Variants in ATP9B observed in about 807,000 individuals in gnomAD.
The protein encoded by ATP9B is probable phospholipid-transporting ATPase IIB.
In ATP9B, 110 loss-of-function variants were observed where a neutral mutation model predicts 146.1. That is an observed-to-expected ratio of 0.75 (90% CI 0.65 to 0.88). The LOEUF (loss-of-function observed/expected upper bound fraction) is 0.88, where lower values mean the gene tolerates loss of function less well. Ranked by LOEUF, ATP9B falls within the 40% of genes least tolerant of loss-of-function variation. The pLI is 0.00. For synonymous variants in ATP9B, 604 were observed against 569.7 expected, an observed-to-expected ratio of 1.06 and a Z score of -0.86; for missense variants, 1,499 against 1,496.4, an observed-to-expected ratio of 1.00 and a Z score of -0.03.
intron 6 of ATP9B, chr18:79,145,313 G>C (rs1242055006): frequency 6.5e-6 from 1 of 153,044 alleles, no homozygotes; most frequent in Non-Finnish European, 1.3e-5. Context: ...CTGCATGTCG[G>C]GGTTGCTGGC....
At chr18:79,151,575 T>G (rs1253690618) in intron 6 of ATP9B, among the ~76,000 whole-genome samples, 1 of 152,200 alleles carries the variant, frequency 6.6e-6, no homozygotes, top group Admixed American at 6.5e-5. Context: ...CTGCTGTGTT[T>G]TGGGTTATGC....
chr18:79,344,420 G>A (rs2096874999), intron 21 of ATP9B, 66 bp downstream of exon 21: 1 of 1,451,738 alleles, frequency 6.9e-7, no homozygotes, highest in Admixed American at 1.7e-5. Flanking sequence ...GTCCCTGGCT[G>A]AGTGTCTGTT....
chr18:79,108,583 G>C (rs991199583), intron 2 of ATP9B, among the ~76,000 whole-genome samples: 1 of 152,178 alleles, frequency 6.6e-6, no homozygotes, highest in African/African-American at 2.4e-5. Flanking sequence ...TGCTGCGGTA[G>C]AAGTTCTAGA....
chr18:79,107,107 G>A (rs1194203658), intron 2 of ATP9B, among the ~76,000 whole-genome samples: 3 of 152,146 alleles, frequency 2.0e-5, no homozygotes, highest in East Asian at 3.8e-4. Context: ...ATCTGAGTCC[G>A]TTCCTGAAGA....
chr18:79,331,519 A>G (rs1365875069), intron 17 of ATP9B, among the ~76,000 whole-genome samples: 1 of 152,120 alleles, frequency 6.6e-6, no homozygotes, highest in Non-Finnish European at 1.5e-5. Flanking sequence ...TTTTTTCAAC[A>G]TTATATTTTC....
At chr18:79,271,387 AG>A (rs66936533) in intron 12 of ATP9B, among the ~76,000 whole-genome samples, 143,504 of 144,260 alleles carry the variant, frequency 0.99, 71,374 homozygotes, top group Middle Eastern at 1. Context: ...TCCCTCCCCC[AG>A]GCCCCCCACC....
chr18:79,140,168 G>GT (rs2094496485), intron 5 of ATP9B, among the ~76,000 whole-genome samples: 2 of 152,178 alleles, frequency 1.3e-5, no homozygotes. Flanking sequence ...GCTTCTGCGA[G>GT]TAAGTGGAGG....
chr18:79,210,559 G>C (rs1049729277), intron 10 of ATP9B, among the ~76,000 whole-genome samples: 65 of 152,340 alleles, frequency 4.3e-4, no homozygotes, highest in African/African-American at 1.5e-3. Flanking sequence ...ACCAGTTTTG[G>C]TCTAGGTTGT....
At chr18:79,341,292 CACACCA>C (rs2147365620) in intron 19 of ATP9B, among the ~76,000 whole-genome samples, 1 of 138,468 alleles carries the variant, frequency 7.2e-6, no homozygotes, top group African/African-American at 2.7e-5. Flanking sequence ...GTGTTGCCGA[CACACCA>C]TTTAGTTGTG....
intron 29 of ATP9B, 164 bp downstream of exon 29, chr18:79,375,590 A>G (rs1309539765): frequency 1.0e-6 from 1 of 985,412 alleles, no homozygotes; most frequent in Non-Finnish European, 1.2e-6. Flanking sequence ...TCGGCTAGTC[A>G]TGGGCTGAGT....
intron 7 of ATP9B, among the ~76,000 whole-genome samples, chr18:79,157,411 A>AAAAACAAAAAC (rs1304595369): frequency 2.0e-4 from 30 of 149,274 alleles, no homozygotes; most frequent in Admixed American, 8.0e-4. Context: ...AAAAAAAAAA[A>AAAAACAAAAAC]AAAAAAAAAA....
intron 17 of ATP9B, among the ~76,000 whole-genome samples, chr18:79,333,664 G>GTCT (rs901948536): frequency 6.6e-6 from 1 of 151,946 alleles, no homozygotes; most frequent in Admixed American, 6.6e-5. Context: ...GGCAGGGCAG[G>GTCT]TCTTGGAGGT....
At chr18:79,128,389 AT>A (rs1242792031) in intron 5 of ATP9B, among the ~76,000 whole-genome samples, 1 of 152,046 alleles carries the variant, frequency 6.6e-6, no homozygotes, top group African/African-American at 2.4e-5. Context: ...TGTTTGATTC[AT>A]TTTGTGTATG....
chr18:79,324,890 C>T (rs959457378), intron 15 of ATP9B, among the ~76,000 whole-genome samples: 3 of 152,182 alleles, frequency 2.0e-5, no homozygotes, highest in African/African-American at 4.8e-5. Flanking sequence ...ATGATAAATT[C>T]GGGCTGAGGA....
chr18:79,332,259 C>A (rs2096794950), intron 17 of ATP9B, among the ~76,000 whole-genome samples: 1 of 150,740 alleles, frequency 6.6e-6, no homozygotes, highest in South Asian at 2.1e-4. Flanking sequence ...GAAACCCCAT[C>A]TCTACTAAAA....
At chr18:79,338,707 G>A (rs191905184) in intron 19 of ATP9B, among the ~76,000 whole-genome samples, 76 of 152,248 alleles carry the variant, frequency 5.0e-4, no homozygotes, top group African/African-American at 1.5e-3. Context: ...TGGCACTTAT[G>A]GTGTAAGTTT....
intron 25 of ATP9B, among the ~76,000 whole-genome samples, chr18:79,349,633 A>G (rs2096911203): frequency 6.6e-6 from 1 of 152,190 alleles, no homozygotes; most frequent in Admixed American, 6.5e-5. Context: ...GGGAAATATC[A>G]GTCTGTGCGT....
At chr18:79,193,373 C>T (rs926275030) in intron 9 of ATP9B, 110 bp downstream of exon 9, 75 of 908,260 alleles carry the variant, frequency 8.3e-5, no homozygotes, top group Non-Finnish European at 8.5e-5. Context: ...AAGTTTCAAA[C>T]TAGGAAGGGA....
intron 15 of ATP9B, among the ~76,000 whole-genome samples, chr18:79,313,505 A>T (rs8088583): frequency 2.6e-5 from 4 of 152,218 alleles, no homozygotes; most frequent in Admixed American, 1.3e-4. Context: ...CCTGCCATAA[A>T]TATGAGAAAC....
Sources: gnomAD v4.1 joint callset for allele counts (sites outside exome capture counted in the v4.1 genomes callset) on GRCh38, gnomAD v4.1.1 for gene constraint, MANE v1.5 for transcripts, NCBI Gene and HGNC (gene_info 2026-07-23, HGNC 2026-07-21) for gene names.